The following ARHGEF18 variants were observed in gnomAD, a reference collection of about 807,000 sequenced individuals.
ARHGEF18 encodes the protein Rho/Rac guanine nucleotide exchange factor 18, also known as rho guanine nucleotide exchange factor 18.
ARHGEF18 carries 93 observed loss-of-function variants against 155.7 expected under a neutral mutation model. The observed-to-expected ratio is 0.60, with a 90% CI of 0.50 to 0.71. The LOEUF (loss-of-function observed/expected upper bound fraction) is 0.71, where lower values mean the gene tolerates loss of function less well. Among genes scored for constraint, ARHGEF18 ranks in the 30% least tolerant of loss-of-function variants. ARHGEF18 has a pLI of 0.00. For missense variants in ARHGEF18, 1,593 were observed against 1,816.1 expected (o/e 0.88, Z 2.23); for synonymous variants, 742 against 753.1 (o/e 0.99, Z 0.24).
chr19:7,401,985 T>G (rs766919454), intron 10 of ARHGEF18, among the ~76,000 whole-genome samples: 24 of 152,218 alleles, frequency 1.6e-4, no homozygotes, highest in Non-Finnish European at 2.6e-4. Context: ...TGCTGTATGA[T>G]TCCATTTATA....
At position 7,459,982 on chromosome 19, in the gene ARHGEF18, C is replaced by T. The variant is rs569057227; in HGVS notation, c.2440C>T (p.Arg814Trp). The change falls in exon 20 of 29, where the codon CGG becomes TGG. Residue 814 changes from arginine (R) to tryptophan (W), a missense_variant. Transcript: ENST00000668164. ...GGTCGAGGCCCGCGCCACGAGACTC[C>T]GGGACTTTCAAGGTGAGCGGGAGAC... ...KVVEARATRL[R>W]DFQERLSMKD... is the part of the protein sequence containing the mutation. The T allele has an allele frequency of 5.0e-5, 79 of 1,579,778 alleles. No individual in the cohort carries two copies. The highest frequency in any genetic ancestry group is 6.7e-5 in the African/African-American group (5 of 74,312).
At chr19:7,406,081 T>TTTG (rs1015107798) in intron 10 of ARHGEF18, among the ~76,000 whole-genome samples, 1 of 151,894 alleles carries the variant, frequency 6.6e-6, no homozygotes, top group Non-Finnish European at 1.5e-5. Flanking sequence ...CCAGATTCTT[T>TTTG]TTGTTGTTGT....
chr19:7,459,725 G>A (rs1467658536), intron 19 of ARHGEF18, among the ~76,000 whole-genome samples, 178 bp from the exon 20 acceptor site: 2 of 152,218 alleles, frequency 1.3e-5, no homozygotes, highest in African/African-American at 4.8e-5. Flanking sequence ...GCGCTTTGGG[G>A]CGGGATGAAT....
chr19:7,450,506 T>TCTTC (rs1975321009), intron 15 of ARHGEF18, among the ~76,000 whole-genome samples: 1 of 152,248 alleles, frequency 6.6e-6, no homozygotes, highest in Non-Finnish European at 1.5e-5. Context: ...TAATACGGGA[T>TCTTC]CTTGCTGTCC....
chr19:7,448,184 A>G (rs12976792), intron 15 of ARHGEF18, among the ~76,000 whole-genome samples: 36,559 of 152,030 alleles, frequency 0.24, 4,530 homozygotes, highest in East Asian at 0.32. Flanking sequence ...CTCCAGATCC[A>G]GCCTGTCTTG....
chr19:7,418,607 C>G (rs182940272), intron 10 of ARHGEF18, among the ~76,000 whole-genome samples: 6 of 152,026 alleles, frequency 3.9e-5, no homozygotes, highest in Non-Finnish European at 8.8e-5. Flanking sequence ...GCAGGCACTA[C>G]GATTATCCCC....
chr19:7,477,817 G>A, the ARHGEF18 span, among the ~76,000 whole-genome samples: 19 of 152,322 alleles, frequency 1.2e-4, no homozygotes, highest in East Asian at 5.8e-4. Context: ...ACACAGTGAC[G>A]ATAAGCCTGG....
At chr19:7,353,682 G>A (rs1415576039) in intron 1 of ARHGEF18, among the ~76,000 whole-genome samples, 8 of 151,838 alleles carry the variant, frequency 5.3e-5, no homozygotes, top group African/African-American at 9.7e-5. Context: ...GCCAGGTGTG[G>A]TGGCTCACAC....
At chr19:7,408,590 C>T (rs933232353) in intron 10 of ARHGEF18, among the ~76,000 whole-genome samples, 2 of 152,234 alleles carry the variant, frequency 1.3e-5, no homozygotes, top group African/African-American at 4.8e-5. Flanking sequence ...CAGCTGTGTC[C>T]CAGGTTGACC....
chr19:7,404,281 C>T (rs1303553799), intron 10 of ARHGEF18, among the ~76,000 whole-genome samples: 1 of 152,040 alleles, frequency 6.6e-6, no homozygotes, highest in Admixed American at 6.6e-5. Flanking sequence ...CCTTCCCTGT[C>T]CTGGCTCCAG....
intron 2 of ARHGEF18, among the ~76,000 whole-genome samples, chr19:7,371,887 A>T (rs1028024764): frequency 6.6e-6 from 1 of 151,938 alleles, no homozygotes; most frequent in Non-Finnish European, 1.5e-5. Context: ...AAAAGAAGGG[A>T]GGGGCCAAAT....
In ARHGEF18 at chr19:7,440,789, G is replaced by A. The variant is rs1178642845; in HGVS notation, c.1106+307G>A. 2.0e-5 allele frequency among the ~76,000 whole-genome samples: 3 copies of A among 152,128 alleles called. No homozygotes were observed. The highest frequency in any genetic ancestry group is 7.2e-5 in the African/African-American group (3 of 41,418). On this transcript the variant is annotated intron_variant, in intron 11 of 28. Coordinates refer to ENST00000668164, the MANE Select transcript of ARHGEF18 (RefSeq NM_001367823.1). This position sits in a 1 kb window ranked among gnomAD's most constrained non-coding sequence, Gnocchi z 5.4. The stretch of plus-strand genomic sequence containing the variant: ...TCAAGGCGATGCTCAAAGTCCTGCT[G>A]GGTGTGTGGAGGCGGCGTCCCATTA...
intron 10 of ARHGEF18, among the ~76,000 whole-genome samples, chr19:7,433,203 A>T (rs1051779369): frequency 1.3e-5 from 2 of 151,500 alleles, no homozygotes; most frequent in African/African-American, 4.9e-5. Flanking sequence ...ACGGTGGCTC[A>T]CACCTGTAAT....
chr19:7,445,174 CA>C (rs1306319602), intron 14 of ARHGEF18, among the ~76,000 whole-genome samples: 1 of 152,194 alleles, frequency 6.6e-6, no homozygotes, highest in East Asian at 1.9e-4. Flanking sequence ...TGACTGAGTG[CA>C]GTGGCCCACA....
At chr19:7,412,925 G>A (rs1972780713) in intron 10 of ARHGEF18, among the ~76,000 whole-genome samples, 1 of 152,014 alleles carries the variant, frequency 6.6e-6, no homozygotes, top group East Asian at 1.9e-4. Flanking sequence ...GTGAATGGGA[G>A]TATTTGTTTT....
At chr19:7,442,888 G>A (rs978324007) in intron 13 of ARHGEF18, among the ~76,000 whole-genome samples, 1 of 151,814 alleles carries the variant, frequency 6.6e-6, no homozygotes, top group African/African-American at 2.4e-5. Flanking sequence ...GTCTTTCTCA[G>A]GTCCTCTTTT....
chr19:7,473,358 C>T (rs541678541), downstream of ARHGEF18: 26 of 447,526 alleles, frequency 5.8e-5, no homozygotes, highest in South Asian at 3.0e-4. Context: ...TTTTTAGTAG[C>T]CATATTAAAA....
In ARHGEF18 at chr19:7,463,879, C is replaced by T. The variant is rs762830284; in HGVS notation, c.2697C>T (p.Asp899=). The T allele has an allele frequency of 6.9e-6, 11 of 1,602,288 alleles. No individual in the cohort carries two copies. Among genetic ancestry groups the T allele is most frequent in the African/African-American group, 4.0e-5 (3 of 74,752 alleles). Residue 899 remains aspartate, a synonymous_variant, in exon 22 of 29, where the codon GAC becomes GAT. Coordinates refer to ENST00000668164, the MANE Select transcript of ARHGEF18 (RefSeq NM_001367823.1). The surrounding 1 kb of genome is among the most constrained non-coding windows in gnomAD (Gnocchi z 5.2). ...QLGSANGQAE[D]GGSSTGPPRR... ...GCAGCGCCAACGGCCAGGCGGAAGA[C>T]GGAGGCAGCTCCACAGGCCCGCCCA...
rs78305694 is a variant in ARHGEF18 at position 7,470,323 on chromosome 19, G to A, written c.*25G>A. On this transcript the variant is annotated 3_prime_UTR_variant, in exon 29 of 29. Coordinates refer to ENST00000668164, the MANE Select transcript of ARHGEF18 (RefSeq NM_001367823.1). The surrounding 1 kb of genome is among the most constrained non-coding windows in gnomAD (Gnocchi z 5.9). Reference sequence around the variant, plus strand: ...AAAGGGCCGTGACTCAAGGTGCAAGGCCCCTCCCTGCCCTGCCCACCCTTC... The same window carrying A: ...AAAGGGCCGTGACTCAAGGTGCAAGACCCCTCCCTGCCCTGCCCACCCTTC... 6.9e-7 allele frequency: 1 copy of A among 1,455,404 alleles called. No homozygotes were observed. Among genetic ancestry groups the A allele is most frequent in the Admixed American group, 2.5e-5 (1 of 39,472 alleles). 90.2% of individuals were successfully genotyped at this position (1,455,404 alleles called of 1,614,324 possible).
Sources: allele counts gnomAD v4.1 joint callset (sites outside exome capture counted in the v4.1 genomes callset), GRCh38; gene constraint gnomAD v4.1.1; non-coding constraint Gnocchi (gnomAD v3.1); transcripts MANE v1.5; gene names NCBI Gene and HGNC (gene_info 2026-07-23, HGNC 2026-07-21).